Variants in COLEC11 observed in about 807,000 individuals in gnomAD.
COLEC11 encodes collectin-11.
A neutral mutation model predicts 27.3 loss-of-function variants in COLEC11; 20 were observed. The ratio of observed to expected loss-of-function variants is 0.73; its 90% confidence interval spans 0.51 to 1.06. The LOEUF (loss-of-function observed/expected upper bound fraction) is 1.06, where lower values mean the gene tolerates loss of function less well. COLEC11 is among the 50% of genes least tolerant of loss of function. The pLI is 0.00. For synonymous variants in COLEC11, 163 were observed against 154.7 expected, an observed-to-expected ratio of 1.05 and a Z score of -0.40; for missense variants, 310 against 383.0, an observed-to-expected ratio of 0.81 and a Z score of 1.59.
intron 3 of COLEC11, among the ~76,000 whole-genome samples, chr2:3,630,337 G>A (rs1475233350): frequency 6.6e-6 from 1 of 152,186 alleles, no homozygotes; most frequent in Non-Finnish European, 1.5e-5. Context: ...TTGTGGAAAA[G>A]TGGAATTAAA....
At chr2:3,633,820 A>G (rs1665187582) in intron 3 of COLEC11, among the ~76,000 whole-genome samples, 1 of 152,184 alleles carries the variant, frequency 6.6e-6, no homozygotes, top group South Asian at 2.1e-4. Context: ...CATGGTCAGC[A>G]CAGAACCTCA....
chr2:3,617,336 C>T lies in COLEC11; in HGVS notation c.202+3954C>T, dbSNP rs1167382409. 2.0e-5 allele frequency among the ~76,000 whole-genome samples: 3 copies of T among 152,166 alleles called. No individual in the cohort carries two copies. The East Asian group carries it at 5.8e-4, about 29-fold the overall frequency. ...CCCCACCTCTTCCTTCACCAACATG[C>T]AAGTTCTTTCCTTCCCTGCCAGCCA... On this transcript the variant is annotated intron_variant, in intron 3 of 6. Coordinates refer to ENST00000349077, the MANE Select transcript of COLEC11 (RefSeq NM_024027.5).
rs190387288 is a variant in COLEC11, at chr2:3,611,933, G to A, written c.131-1378G>A. On this transcript the variant is annotated intron_variant, in intron 2 of 6. Coordinates refer to ENST00000349077, the MANE Select transcript of COLEC11 (RefSeq NM_024027.5). ...GGCAAGAGACCGAGGGCACGAGCTG[G>A]TCCAGTATGATAAAATATATAAAAC... 2.1e-3 allele frequency among the ~76,000 whole-genome samples: 306 copies of A among 148,482 alleles called. 3 individuals are homozygous for A. Among genetic ancestry groups the A allele is most frequent in the Admixed American group, 4.9e-3 (74 of 15,076 alleles).
At chr2:3,595,629 A>G (rs1322505658) in intron 1 of COLEC11, among the ~76,000 whole-genome samples, 1 of 152,186 alleles carries the variant, frequency 6.6e-6, no homozygotes, top group East Asian at 1.9e-4. Context: ...GGGCTCAGGA[A>G]CGGGGATCAG....
chr2:3,632,500 C>T (rs1019675632), intron 3 of COLEC11, among the ~76,000 whole-genome samples: 7 of 152,196 alleles, frequency 4.6e-5, no homozygotes, highest in Admixed American at 4.6e-4. Context: ...GCGGCCTTTC[C>T]TCCATGCATG....
intron 2 of COLEC11, among the ~76,000 whole-genome samples, chr2:3,606,706 C>T (rs770728559): frequency 2.0e-5 from 3 of 152,196 alleles, no homozygotes; most frequent in Non-Finnish European, 4.4e-5. Context: ...AGTCCGCAAG[C>T]GAGAGGCGAG....
chr2:3,636,043 G>C (rs540323490), intron 3 of COLEC11, among the ~76,000 whole-genome samples: 64 of 152,236 alleles, frequency 4.2e-4, no homozygotes, highest in Non-Finnish European at 7.8e-4. Context: ...TGAATTGGGG[G>C]AACGTTACAT....
intron 3 of COLEC11, among the ~76,000 whole-genome samples, chr2:3,632,096 C>G (rs1289199028): frequency 6.6e-6 from 1 of 152,160 alleles, no homozygotes; most frequent in East Asian, 1.9e-4. Flanking sequence ...TCGCTGTGAC[C>G]CGAGGCACGG....
intron 5 of COLEC11, 73 bp from the exon 6 acceptor site, chr2:3,643,371 G>C: frequency 8.0e-7 from 1 of 1,250,320 alleles, no homozygotes; most frequent in East Asian, 2.3e-5. Context: ...CATTTCCGGG[G>C]AGGGGTCCTC....
chr2:3,628,377 T>G (rs55835321), intron 3 of COLEC11, among the ~76,000 whole-genome samples: 1 of 152,196 alleles, frequency 6.6e-6, no homozygotes, highest in Non-Finnish European at 1.5e-5. Context: ...CCAGGGGCTC[T>G]CATTTAAATG....
chr2:3,600,410 C>T (rs1254965960), intron 1 of COLEC11, among the ~76,000 whole-genome samples: 1 of 151,938 alleles, frequency 6.6e-6, no homozygotes, highest in African/African-American at 2.4e-5. Flanking sequence ...CAAAAATTGC[C>T]CAGACATGGT....
chr2:3,603,006 T>C (rs927002436), intron 1 of COLEC11, among the ~76,000 whole-genome samples: 14 of 152,278 alleles, frequency 9.2e-5, no homozygotes, highest in Admixed American at 9.2e-4. Flanking sequence ...CCTAGAGCTG[T>C]GCCTGACATT....
rs1047972639 is a variant in COLEC11, at chr2:3,602,827, G to A, written c.-26-1488G>A. ...GAGCCGCCCTCACCCACCTGTCAGC[G>A]AGGCTTCCCTGGCAACCATCCTGAA... On this transcript the variant is annotated intron_variant, in intron 1 of 6. Coordinates refer to ENST00000349077, the MANE Select transcript of COLEC11 (RefSeq NM_024027.5). This position sits in a 1 kb window ranked among gnomAD's most constrained non-coding sequence, Gnocchi z 6.2. 4.6e-5 allele frequency among the ~76,000 whole-genome samples: 7 copies of A among 152,156 alleles called. No homozygotes were observed. Among genetic ancestry groups the A allele is most frequent in the South Asian group, 4.1e-4 (2 of 4,826 alleles).
intron 5 of COLEC11, 50 bp downstream of exon 5, chr2:3,640,381 C>T: frequency 2.0e-6 from 2 of 983,758 alleles, no homozygotes; most frequent in Non-Finnish European, 1.5e-6. Context: ...TTAAAAATTG[C>T]ACTTTTGAAA....
intron 2 of COLEC11, among the ~76,000 whole-genome samples, chr2:3,611,252 C>T (rs1165320364): frequency 6.6e-6 from 1 of 152,254 alleles, no homozygotes; most frequent in African/African-American, 2.4e-5. Flanking sequence ...AACAATGCTT[C>T]CTCCTCACCG....
intron 1 of COLEC11, among the ~76,000 whole-genome samples, chr2:3,600,690 C>T (rs545816784): frequency 6.6e-5 from 10 of 152,280 alleles, no homozygotes; most frequent in South Asian, 2.1e-4. Flanking sequence ...GCTTTGGGGC[C>T]GGTGAGGCAG....
In COLEC11 at chr2:3,613,359, G is replaced by A; in HGVS notation, c.179G>A (p.Arg60Lys). The change falls in exon 3 of 7, where the codon AGA (arginine) becomes AAA (lysine). Residue 60 changes from arginine to lysine, a missense_variant. Coordinates refer to ENST00000349077, the MANE Select transcript of COLEC11 (RefSeq NM_024027.5). ...GDKGAPGRPG[R>K]VGPTGEKGDM... ...AAAGGCGCCCCCGGACGGCCTGGAAGAGTCGGCCCCACGGGAGAAAAAGGT... is the reference window on the plus strand; with the variant it reads ...AAAGGCGCCCCCGGACGGCCTGGAAAAGTCGGCCCCACGGGAGAAAAAGGT... The A allele has an allele frequency of 6.2e-7, 1 of 1,606,784 alleles. No individual in the cohort carries two copies.
chr2:3,603,799 G>C lies in COLEC11; in HGVS notation c.-26-516G>C, dbSNP rs569364041. On this transcript the variant is annotated intron_variant, in intron 1 of 6. Coordinates refer to ENST00000349077, the MANE Select transcript of COLEC11 (RefSeq NM_024027.5). ...TCTCCTTACTGATCTCACCGAGGAA[G>C]GCCAGGTGCCTGTCTCCTGCCACCT... The C allele has an allele frequency of 1.4e-4, 112 of 819,474 alleles. 1 individual carries two copies. In the African/African-American group the frequency reaches 1.6e-3, roughly 12 times the overall value. The allele number at this position is 819,474 out of a possible 1,614,324, so 50.8% of individuals were successfully genotyped here.
In COLEC11 at chr2:3,643,609, G is replaced by T. The variant is rs991580819; in HGVS notation, c.424+70G>T. Reference sequence around the variant, plus strand: ...CCCTGTCCTGAGCCCCCCGGCAAGGGCTCTGCCGTGCCCACGCCTGCCCTG... The same window carrying T: ...CCCTGTCCTGAGCCCCCCGGCAAGGTCTCTGCCGTGCCCACGCCTGCCCTG... On this transcript the variant is annotated intron_variant, in intron 6 of 6. Coordinates refer to ENST00000349077, the MANE Select transcript of COLEC11 (RefSeq NM_024027.5). 8.1e-6 allele frequency: 13 copies of T among 1,595,196 alleles called. No homozygotes were observed. In the African/African-American group the frequency reaches 1.5e-4, roughly 18 times the overall value.
Sources: allele counts gnomAD v4.1 joint callset (sites outside exome capture counted in the v4.1 genomes callset), GRCh38; gene constraint gnomAD v4.1.1; non-coding constraint Gnocchi (gnomAD v3.1); transcripts MANE v1.5; gene names NCBI Gene and HGNC (gene_info 2026-07-23, HGNC 2026-07-21).